POFUT3: variants seen among roughly 807,000 people sequenced by gnomAD.
POFUT3 encodes GDP-fucose protein O-fucosyltransferase 3.
At chr8:33,452,551 G>C in the POFUT3 span, 1 of 147,736 alleles carries the variant, frequency 6.8e-6, no homozygotes. Flanking sequence ...ATCTAAAGTG[G>C]TTGTACCACG....
the POFUT3 span, among the ~76,000 whole-genome samples, chr8:33,450,792 C>T: frequency 1.3e-5 from 2 of 152,120 alleles, no homozygotes; most frequent in Non-Finnish European, 2.9e-5. Context: ...AAGTCCATCC[C>T]AGACAGAAAA....
At chr8:33,384,745 C>T in the POFUT3 span, among the ~76,000 whole-genome samples, 6 of 152,178 alleles carry the variant, frequency 3.9e-5, no homozygotes, top group South Asian at 2.1e-4. Flanking sequence ...CATTTGAACC[C>T]GGGAGGCAGA....
the POFUT3 span, among the ~76,000 whole-genome samples, chr8:33,336,190 C>A: frequency 6.6e-6 from 1 of 152,166 alleles, no homozygotes; most frequent in Non-Finnish European, 1.5e-5. Flanking sequence ...AATGATAAAT[C>A]CTGCCCTGCT....
the POFUT3 span, among the ~76,000 whole-genome samples, chr8:33,442,707 G>A: frequency 2.6e-5 from 4 of 151,284 alleles, no homozygotes; most frequent in African/African-American, 4.9e-5. Flanking sequence ...CAATCTGCCC[G>A]CCTTGGCCTC....
the POFUT3 span, among the ~76,000 whole-genome samples, chr8:33,321,498 T>C: frequency 4.2e-4 from 64 of 152,208 alleles, no homozygotes; most frequent in African/African-American, 1.4e-3. Flanking sequence ...TGACTTTGGC[T>C]TCTCGCAGCA....
chr8:33,353,610 A>G, the POFUT3 span, among the ~76,000 whole-genome samples: 1 of 152,192 alleles, frequency 6.6e-6, no homozygotes, highest in African/African-American at 2.4e-5. Context: ...TGCAACTTCA[A>G]CAGAGCCCCT....
the POFUT3 span, among the ~76,000 whole-genome samples, chr8:33,352,029 T>C: frequency 6.6e-6 from 1 of 152,208 alleles, no homozygotes; most frequent in Admixed American, 6.5e-5. Flanking sequence ...AAACTAGATA[T>C]AAGCCAGGAC....
the POFUT3 span, among the ~76,000 whole-genome samples, chr8:33,409,935 A>G: frequency 3.9e-5 from 6 of 152,322 alleles, no homozygotes; most frequent in Admixed American, 3.3e-4. Flanking sequence ...TCAACTAATC[A>G]AAGATTAGAA....
chr8:33,344,988 G>T, the POFUT3 span, among the ~76,000 whole-genome samples: 31,614 of 152,136 alleles, frequency 0.21, 3,851 homozygotes, highest in South Asian at 0.51. Flanking sequence ...AATAATAAGA[G>T]AAATCAAAAT....
the POFUT3 span, among the ~76,000 whole-genome samples, chr8:33,462,992 T>C: frequency 6.6e-6 from 1 of 151,854 alleles, no homozygotes; most frequent in Admixed American, 6.6e-5. Context: ...TATGATATTC[T>C]ATGAACTTCA....
the POFUT3 span, chr8:33,461,700 C>T: frequency 2.8e-6 from 4 of 1,429,188 alleles, no homozygotes; most frequent in Non-Finnish European, 3.7e-6. Flanking sequence ...GGAGATTTCT[C>T]CAAATAAGAA....
chr8:33,318,483 A>G, the POFUT3 span, among the ~76,000 whole-genome samples: 4 of 129,730 alleles, frequency 3.1e-5, no homozygotes, highest in Non-Finnish European at 6.2e-5. Context: ...ATTATAATAT[A>G]TAATGTACAT....
At chr8:33,356,512 T>A in the POFUT3 span, among the ~76,000 whole-genome samples, 1 of 152,118 alleles carries the variant, frequency 6.6e-6, no homozygotes, top group Non-Finnish European at 1.5e-5. Flanking sequence ...CACTTTTTGA[T>A]GGGGTTGTTT....
At chr8:33,423,865 G>T in the POFUT3 span, among the ~76,000 whole-genome samples, 3 of 150,940 alleles carry the variant, frequency 2.0e-5, no homozygotes, top group South Asian at 6.3e-4. Context: ...CTGGGCGGGG[G>T]CGGTGGCTCA....
chr8:33,317,562 G>A, the POFUT3 span, among the ~76,000 whole-genome samples: 403 of 152,134 alleles, frequency 2.6e-3, 2 homozygotes, highest in African/African-American at 4.9e-3. Flanking sequence ...TTGGAATTTT[G>A]CCTGTAACAT....
the POFUT3 span, among the ~76,000 whole-genome samples, chr8:33,329,911 A>C: frequency 2.6e-5 from 4 of 152,130 alleles, no homozygotes; most frequent in Non-Finnish European, 5.9e-5. Flanking sequence ...AAGTCTCCTC[A>C]ACCAACAAAT....
At chr8:33,329,871 A>T in the POFUT3 span, among the ~76,000 whole-genome samples, 1 of 152,234 alleles carries the variant, frequency 6.6e-6, no homozygotes, top group Non-Finnish European at 1.5e-5. Context: ...CTAATGGATA[A>T]TAAAACAATA....
chr8:33,419,130 G>T, the POFUT3 span, among the ~76,000 whole-genome samples: 10 of 152,266 alleles, frequency 6.6e-5, no homozygotes, highest in African/African-American at 2.2e-4. Context: ...CACAGAATGA[G>T]GTAGAAAGAA....
chr8:33,443,951 C>T, the POFUT3 span, among the ~76,000 whole-genome samples: 9 of 151,038 alleles, frequency 6.0e-5, no homozygotes, highest in South Asian at 1.9e-3. Context: ...CACAGTGAGA[C>T]CTCATTTCTA....
Sources: allele counts gnomAD v4.1 joint callset (sites outside exome capture counted in the v4.1 genomes callset), GRCh38; gene constraint gnomAD v4.1.1; transcripts MANE v1.5; gene names NCBI Gene and HGNC (gene_info 2026-07-23, HGNC 2026-07-21).